The following MEN1 variants were observed in gnomAD, a reference collection of about 807,000 sequenced individuals.
The protein encoded by MEN1 is menin.
Under a neutral mutation model 58.0 loss-of-function variants are expected in MEN1, and 6 were observed. That is an observed-to-expected ratio of 0.10 (90% CI 0.06 to 0.20). The LOEUF is 0.20. MEN1 is among the 10% of genes least tolerant of loss of function. MEN1 has a pLI of 1.00. For missense variants in MEN1, 492 were observed against 818.5 expected, an observed-to-expected ratio of 0.60 and a Z score of 4.87; for synonymous variants, 346 against 350.7, an observed-to-expected ratio of 0.99 and a Z score of 0.15.
In MEN1 at chr11:64,806,471, C is replaced by T. The variant is rs1417848142; in HGVS notation, c.913-103G>A. 25 of 1,336,592 alleles carry T rather than the reference C, an allele frequency of 1.9e-5. No homozygotes were observed. The African/African-American group carries it at 3.3e-4, about 18-fold the overall frequency. 82.8% of individuals were successfully genotyped at this position (1,336,592 alleles called of 1,614,324 possible). On this transcript the variant is annotated intron_variant, in intron 6 of 9. Coordinates refer to ENST00000450708, the MANE Select transcript of MEN1 (RefSeq NM_001370259.2). ...CACCCAGAAGGGGCCACAGGAAGATCCCAGGGAGTCCTCTCCATCTCCACT... is the reference window on the plus strand; with the variant it reads ...CACCCAGAAGGGGCCACAGGAAGATTCCAGGGAGTCCTCTCCATCTCCACT...
chr11:64,806,389 G>A lies in MEN1; in HGVS notation c.913-21C>T, dbSNP rs759462253. The A allele has an allele frequency of 1.9e-6, 3 of 1,613,904 alleles. No homozygotes were observed. In the African/African-American group the frequency reaches 4.0e-5, roughly 22 times the overall value. On this transcript the variant is annotated intron_variant, in intron 6 of 9. Coordinates refer to ENST00000450708, the MANE Select transcript of MEN1 (RefSeq NM_001370259.2). ...ATGCCCTGGATGGAGGTGAGGCAGA[G>A]GATCCTCAGGGAGGCAGCCCCAGCT...
Position 64,804,703 on chromosome 11 carries a change from C to T in MEN1, c.1464G>A (p.Lys488=). 6.3e-7 allele frequency: 1 copy of T among 1,596,012 alleles called. No homozygotes were observed. The highest frequency in any genetic ancestry group is 8.5e-7 in the Non-Finnish European group (1 of 1,177,186). Residue 488 remains lysine, a synonymous_variant, in exon 10 of 10, where the codon AAG becomes AAA. Coordinates refer to ENST00000450708, the MANE Select transcript of MEN1 (RefSeq NM_001370259.2). The surrounding 1 kb of genome is among the most constrained non-coding windows in gnomAD (Gnocchi z 4.2). ...TCTTGGGCGGCGGGGGCTCCTCTGG[C>T]TTGGACTCCCGCCGTGGGCCCCGCC... ...GRRRGPRRES[K]PEEPPPPKKP... is the part of the protein sequence containing the mutation.
In MEN1 at chr11:64,804,900, C is replaced by A; in HGVS notation, c.1351-84G>T. On this transcript the variant is annotated intron_variant, in intron 9 of 9. Coordinates refer to ENST00000450708, the MANE Select transcript of MEN1 (RefSeq NM_001370259.2). This position sits in a 1 kb window ranked among gnomAD's most constrained non-coding sequence, Gnocchi z 4.2. ...AGGACCCTGCTCTGGCCATCCCATC[C>A]CACCCAGGGGGTCTCAGTCCCATCG... The A allele has an allele frequency of 6.3e-7, 1 of 1,596,054 alleles. No homozygotes were observed. Among genetic ancestry groups the A allele is most frequent in the South Asian group, 1.1e-5 (1 of 90,862 alleles).
intron 1 of MEN1, 39 bp downstream of exon 1, chr11:64,810,475 A>C: frequency 2.3e-5 from 6 of 257,476 alleles, no homozygotes; most frequent in Non-Finnish European, 3.0e-5. Flanking sequence ...AAGCCCCCAA[A>C]CCCCAAGGAG....
Position 64,807,802 on chromosome 11 carries a change from A to C in MEN1, c.654+89T>G. On this transcript the variant is annotated intron_variant, in intron 3 of 9. Coordinates refer to ENST00000450708, the MANE Select transcript of MEN1 (RefSeq NM_001370259.2). The surrounding 1 kb of genome is among the most constrained non-coding windows in gnomAD (Gnocchi z 4.9). ...TCCTATGTGGGTGGTGATGGGAAGA[A>C]AGGGGTGTGGCCCAAGAAAATGGAG... 6.2e-7 allele frequency: 1 copy of C among 1,605,632 alleles called. No homozygotes were observed.
chr11:64,810,890 GA>G (rs1942076023), upstream of MEN1: 1 of 152,206 alleles, frequency 6.6e-6, no homozygotes, highest in East Asian at 1.9e-4. Context: ...AAGTTATGAG[GA>G]AAAAGATCAG....
chr11:64,805,996 T>C, intron 7 of MEN1: 1 of 648,042 alleles, frequency 1.5e-6, no homozygotes, highest in Non-Finnish European at 2.7e-6. Flanking sequence ...GGTTAAACAT[T>C]GGAGATTTGA....
In MEN1 at chr11:64,804,645, G is replaced by T. The variant is rs386833403; in HGVS notation, c.1522C>A (p.Gln508Lys). ...CGGGGGGGTCCTGACACTGCACCCT[G>T]GCCGGTGCCCAGGCCCTTGTCCAGT... is the stretch of plus-strand genomic sequence containing the variant. ...PALDKGLGTG[Q>K]GAVSGPPRKP... The change falls in exon 10 of 10, where the codon CAG becomes AAG. Residue 508 changes from glutamine to lysine, a missense_variant. Transcript: ENST00000450708. This position sits in a 1 kb window ranked among gnomAD's most constrained non-coding sequence, Gnocchi z 4.2. 1.3e-5 allele frequency: 21 copies of T among 1,602,208 alleles called. No homozygotes were observed. Among genetic ancestry groups the T allele is most frequent in the Non-Finnish European group, 1.6e-5 (19 of 1,176,676 alleles).
At position 64,803,887 on chromosome 11, in the gene MEN1, T is replaced by C. The variant is rs1450978350; in HGVS notation, c.*447A>G. 1 of 261,910 alleles carries C rather than the reference T, an allele frequency of 3.8e-6. No homozygotes were observed. The allele number at this position is 261,910 out of a possible 1,614,324, so 16.2% of individuals were successfully genotyped here. A position where few individuals can be genotyped will look rare whatever the true frequency, so the allele number is the denominator to read the frequency against. ...TATGGAATTCTGAAGTGCGGAAATA[T>C]ACTCCTAGGGGCTGAGTGGTCCTAG... is the stretch of plus-strand genomic sequence containing the variant. On this transcript the variant is annotated 3_prime_UTR_variant, in exon 10 of 10. Coordinates refer to ENST00000450708, the MANE Select transcript of MEN1 (RefSeq NM_001370259.2).
rs1321063499 is a variant in MEN1 at position 64,809,650 on chromosome 11, C to G, written c.445+15G>C. 3.1e-6 allele frequency: 5 copies of G among 1,613,894 alleles called. No homozygotes were observed. In the Admixed American group the frequency reaches 8.3e-5, roughly 27 times the overall value. On this transcript the variant is annotated intron_variant, in intron 2 of 9. Transcript: ENST00000450708. Reference sequence around the variant, plus strand: ...AGTGGGTCATGGATAAGATTCCCACCTACTGGGCTCCAACCTGTGATGAAG... The same window carrying G: ...AGTGGGTCATGGATAAGATTCCCACGTACTGGGCTCCAACCTGTGATGAAG...
At position 64,804,328 on chromosome 11, in the gene MEN1, A is replaced by G; in HGVS notation, c.*6T>C. On this transcript the variant is annotated 3_prime_UTR_variant, in exon 10 of 10. Transcript: ENST00000450708. The surrounding 1 kb of genome is among the most constrained non-coding windows in gnomAD (Gnocchi z 4.2). ...TCCCCACAAGCGGTCCGAAGTCCCC[A>G]GTAGTTCAGAGGCCTTTGCGCTGCC... is the stretch of plus-strand genomic sequence containing the variant. 6.2e-7 allele frequency: 1 copy of G among 1,614,220 alleles called. No individual in the cohort carries two copies. The highest frequency in any genetic ancestry group is 8.5e-7 in the Non-Finnish European group (1 of 1,180,030).
In MEN1 at chr11:64,806,117, T is replaced by G. The variant is rs669976; in HGVS notation, c.1049+115A>C. 1.4e-5 allele frequency: 19 copies of G among 1,406,538 alleles called. No individual in the cohort carries two copies. In the East Asian group the frequency reaches 3.9e-4, roughly 29 times the overall value. The allele number at this position is 1,406,538 out of a possible 1,614,324, so 87.1% of individuals were successfully genotyped here. A position where few individuals can be genotyped will look rare whatever the true frequency, so the allele number is the denominator to read the frequency against. The stretch of plus-strand genomic sequence containing the variant: ...AATGGTGGCCTTGCTGCCTAGGGAC[T>G]GGATGGAAAGGGGATGGGGCGTGGG... On this transcript the variant is annotated intron_variant, in intron 7 of 9. Coordinates refer to ENST00000450708, the MANE Select transcript of MEN1 (RefSeq NM_001370259.2).
Position 64,807,921 on chromosome 11 carries a change from G to A in MEN1, c.624C>T (p.Gly208=). Residue 208 remains glycine (G), a synonymous_variant, in exon 3 of 10, where the codon GGC becomes GGT. Coordinates refer to ENST00000450708, the MANE Select transcript of MEN1 (RefSeq NM_001370259.2). The surrounding 1 kb of genome is among the most constrained non-coding windows in gnomAD (Gnocchi z 4.9). ...CAGCCACACCGGCATTGACTGTCTG[G>A]CCCCTGCGGTCCTCGTTGCCCTTGC... ...WHGKGNEDRR[G]QTVNAGVAER... 6.2e-7 allele frequency: 1 copy of A among 1,614,146 alleles called. No homozygotes were observed. The highest frequency in any genetic ancestry group is 8.5e-7 in the Non-Finnish European group (1 of 1,180,022).
At chr11:64,806,449 C>A (rs1372250139) in intron 6 of MEN1, 81 bp from the exon 7 acceptor site, 1 of 1,517,366 alleles carries the variant, frequency 6.6e-7, no homozygotes, top group Non-Finnish European at 9.1e-7. Context: ...CAGGGCACAC[C>A]CAGAAGGGGC....
rs770413697 is a variant in MEN1, at chr11:64,806,372, G to A, written c.913-4C>T. The A allele has an allele frequency of 1.2e-6, 2 of 1,614,136 alleles. No homozygotes were observed. Among genetic ancestry groups the A allele is most frequent in the Non-Finnish European group, 1.7e-6 (2 of 1,179,990 alleles). Reference sequence around the variant, plus strand: ...AGGTCTTGGCTGAGGCAATGCCCTGGATGGAGGTGAGGCAGAGGATCCTCA... The same window carrying A: ...AGGTCTTGGCTGAGGCAATGCCCTGAATGGAGGTGAGGCAGAGGATCCTCA... On this transcript the variant is annotated splice_polypyrimidine_tract_variant and splice_region_variant and intron_variant, in intron 6 of 9. Coordinates refer to ENST00000450708, the MANE Select transcript of MEN1 (RefSeq NM_001370259.2).
In MEN1 at chr11:64,803,755, C is replaced by CAGAACATGGGCTCAGAGTTGGG; in HGVS notation, c.*578_*579insCCCAACTCTGAGCCCATGTTCT. 1 of 244,314 alleles carries CAGAACATGGGCTCAGAGTTGGG rather than the reference C, an allele frequency of 4.1e-6. No homozygotes were observed. The highest frequency in any genetic ancestry group is 5.0e-5 in the Admixed American group (1 of 20,014). 15.1% of individuals were successfully genotyped at this position (244,314 alleles called of 1,614,324 possible). The stretch of plus-strand genomic sequence containing the variant: ...GCTCAGGATGCTCATAGGCTGGGGG[C>CAGAACATGGGCTCAGAGTTGGG]GGAGTTTTGTGTCCCAGACTCGGGA... On this transcript the variant is annotated 3_prime_UTR_variant, in exon 10 of 10. Transcript: ENST00000450708.
chr11:64,805,508 T>C (rs1306621456), intron 8 of MEN1, 127 bp downstream of exon 8: 9 of 1,223,434 alleles, frequency 7.4e-6, no homozygotes, highest in Admixed American at 6.1e-5. Flanking sequence ...AAAGGGAACA[T>C]AGCTGTCTGC....
rs562620826 is a variant in MEN1 at position 64,807,080 on chromosome 11, C to G, written c.843G>C (p.Gly281=). 1.9e-5 allele frequency: 31 copies of G among 1,614,110 alleles called. No homozygotes were observed. The East Asian group carries it at 2.7e-4, about 14-fold the overall frequency. The change falls in exon 6 of 10, where the codon GGG becomes GGC. Residue 281 remains glycine, a synonymous_variant. Coordinates refer to ENST00000450708, the MANE Select transcript of MEN1 (RefSeq NM_001370259.2). This position sits in a 1 kb window ranked among gnomAD's most constrained non-coding sequence, Gnocchi z 4.9. ...GHLERYPMAL[G]NLADLEELEP... ...CCAGCTCCTCTAGATCTGCCAGGTT[C>G]CCTAAGGCCATGGGGTACCTAGGAA...
rs2136135690 is a variant in MEN1, at chr11:64,807,257, G to A, written c.784-38C>T. The A allele has an allele frequency of 6.2e-7, 1 of 1,605,352 alleles. No individual in the cohort carries two copies. Among genetic ancestry groups the A allele is most frequent in the East Asian group, 2.2e-5 (1 of 44,838 alleles). On this transcript the variant is annotated intron_variant, in intron 4 of 9. Transcript: ENST00000450708. The surrounding 1 kb of genome is among the most constrained non-coding windows in gnomAD (Gnocchi z 4.9). ...GGAGAGAGTTATGAGCCACGGAACA[G>A]GGAGGAGAACGGGTCCTTAGCCTAT... is the stretch of plus-strand genomic sequence containing the variant.
Sources: gnomAD v4.1 joint callset for allele counts on GRCh38, gnomAD v4.1.1 for gene constraint, Gnocchi (gnomAD v3.1) non-coding constraint, MANE v1.5 for transcripts, NCBI Gene and HGNC (gene_info 2026-07-23, HGNC 2026-07-21) for gene names.